Variants in KLF5 observed in about 807,000 individuals in gnomAD.
The protein encoded by KLF5 is Krueppel-like factor 5.
KLF5 carries 9 observed loss-of-function variants against 36.9 expected under a neutral mutation model. That is an observed-to-expected ratio of 0.24 (90% CI 0.15 to 0.43). The LOEUF (loss-of-function observed/expected upper bound fraction) is 0.43, where lower values mean the gene tolerates loss of function less well. KLF5 is among the 20% of genes least tolerant of loss of function. The probability of loss-of-function intolerance (pLI) is 1.00; values close to 1 mark genes in which losing one functional copy is unlikely to be tolerated. For synonymous variants in KLF5, 246 were observed against 241.7 expected (o/e 1.02, Z -0.17); for missense variants, 524 against 599.5 (o/e 0.87, Z 1.31).
chr13:73,062,772 A>AATGT, intron 2 of KLF5, 38 bp downstream of exon 2: 2 of 1,438,760 alleles, frequency 1.4e-6, no homozygotes, highest in Non-Finnish European at 1.9e-6. Context: ...CAATAGATGT[A>AATGT]GTGTGTGTGT....
chr13:73,062,169 C>T lies in KLF5; in HGVS notation c.570C>T (p.Thr190=), dbSNP rs1420346634. 6.2e-7 allele frequency: 1 copy of T among 1,614,116 alleles called. No homozygotes were observed. The highest frequency in any genetic ancestry group is 1.3e-5 in the African/African-American group (1 of 75,040). The change falls in exon 2 of 4, where the codon ACC becomes ACT. Residue 190 remains threonine (T), a synonymous_variant. Transcript: ENST00000377687. ...CGACCCAGGCCCTCCCTGAGTTCACCAGTATATTCAGCTCACACCAGACCG... is the reference window on the plus strand; with the variant it reads ...CGACCCAGGCCCTCCCTGAGTTCACTAGTATATTCAGCTCACACCAGACCG... The part of the protein sequence containing the change: ...PAPTQALPEF[T]SIFSSHQTAA...
At chr13:73,059,980 C>T in intron 1 of KLF5, 1 of 178,388 alleles carries the variant, frequency 5.6e-6, no homozygotes, top group Non-Finnish European at 1.1e-5. Flanking sequence ...GGCATTGGAG[C>T]CCTCCCCCCC....
At chr13:73,059,831 C>A in intron 1 of KLF5, 1 of 958,228 alleles carries the variant, frequency 1.0e-6, no homozygotes, top group Non-Finnish European at 1.2e-6. Flanking sequence ...GCGGGTCGGC[C>A]TGGGAGAGGT....
At position 73,076,446 on chromosome 13, in the gene KLF5, C is replaced by T. The variant is rs2044762324; in HGVS notation, c.*560C>T. ...TGCTATTCAAAATTTTGTAAATATG[C>T]AAATCAGCTTTATAGGTTTATTACA... On this transcript the variant is annotated 3_prime_UTR_variant, in exon 4 of 4. Coordinates refer to ENST00000377687, the MANE Select transcript of KLF5 (RefSeq NM_001730.5). The T allele has an allele frequency of 6.6e-6, 1 of 152,458 alleles. No homozygotes were observed. The highest frequency in any genetic ancestry group is 2.1e-4 in the South Asian group (1 of 4,822). 9.4% of individuals were successfully genotyped at this position (152,458 alleles called of 1,614,324 possible). A position where few individuals can be genotyped will look rare whatever the true frequency, so the allele number is the denominator to read the frequency against.
rs1403435155 is a variant in KLF5, at chr13:73,062,319, C to G, written c.720C>G (p.Pro240=). ...QLLNTPDLDM[P]SSTNQTAAMD... ...TGAATACACCGGATCTAGATATGCCCAGTTCTACAAATCAGACAGCAGCAA... is the reference window on the plus strand; with the variant it reads ...TGAATACACCGGATCTAGATATGCCGAGTTCTACAAATCAGACAGCAGCAA... Residue 240 remains proline (P), a synonymous_variant, in exon 2 of 4, where the codon CCC becomes CCG. Transcript: ENST00000377687. 6.2e-7 allele frequency: 1 copy of G among 1,614,168 alleles called. No homozygotes were observed.
chr13:73,075,829 C>T lies in KLF5; in HGVS notation c.1317C>T (p.Asn439=). The change falls in exon 4 of 4, where the codon AAC becomes AAT. Residue 439 remains asparagine, a synonymous_variant. Coordinates refer to ENST00000377687, the MANE Select transcript of KLF5 (RefSeq NM_001730.5). ...GAKPFQCGVC[N]RSFSRSDHLA... ...AGCCCTTCCAGTGCGGGGTGTGCAA[C>T]CGCAGCTTCTCGCGCTCTGACCACC... The T allele has an allele frequency of 6.2e-7, 1 of 1,611,730 alleles. No homozygotes were observed. The highest frequency in any genetic ancestry group is 8.5e-7 in the Non-Finnish European group (1 of 1,177,996).
intron 3 of KLF5, among the ~76,000 whole-genome samples, chr13:73,070,180 T>C (rs1043495053): frequency 3.3e-5 from 5 of 152,172 alleles, no homozygotes; most frequent in Non-Finnish European, 5.9e-5. Flanking sequence ...CCTAAAAATA[T>C]CTATATAGAA....
chr13:73,060,245 A>G (rs1295588607), intron 1 of KLF5, among the ~76,000 whole-genome samples: 1 of 151,196 alleles, frequency 6.6e-6, no homozygotes, highest in Non-Finnish European at 1.5e-5. Flanking sequence ...GAAAGCTGGC[A>G]GTTGGCTTTT....
intron 3 of KLF5, among the ~76,000 whole-genome samples, chr13:73,066,419 C>T (rs1196856534): frequency 1.3e-5 from 2 of 149,574 alleles, no homozygotes; most frequent in Non-Finnish European, 3.0e-5. Context: ...GGTTTTCTTT[C>T]TGTCCTCCTC....
intron 3 of KLF5, 64 bp from the exon 4 acceptor site, chr13:73,075,644 C>A (rs569327072): frequency 7.6e-6 from 10 of 1,321,062 alleles, no homozygotes; most frequent in African/African-American, 3.0e-5. Flanking sequence ...ATTCCTTCTC[C>A]GGTGTTATCT....
At chr13:73,063,727 G>A (rs1200157334) in intron 2 of KLF5, 97 bp from the exon 3 acceptor site, 2 of 855,322 alleles carry the variant, frequency 2.3e-6, no homozygotes, top group Non-Finnish European at 3.9e-6. Flanking sequence ...TAGCATGAGA[G>A]ATTTCTTCTT....
intron 1 of KLF5, chr13:73,059,893 T>C (rs1390126556): frequency 4.1e-6 from 3 of 730,482 alleles, no homozygotes; most frequent in African/African-American, 3.8e-5. Context: ...TTTCTTACAC[T>C]TGAGGGACGA....
In KLF5 at chr13:73,075,975, A is replaced by AG; in HGVS notation, c.*89_*90insG. On this transcript the variant is annotated 3_prime_UTR_variant, in exon 4 of 4. Transcript: ENST00000377687. The stretch of plus-strand genomic sequence containing the variant: ...CTGTGTAAAAACAACAAAAACAAAC[A>AG]AAAGCAAGAAAACCACAACTAAAAC... 1 of 1,041,742 alleles carries AG rather than the reference A, an allele frequency of 9.6e-7. No individual in the cohort carries two copies. Among genetic ancestry groups the AG allele is most frequent in the South Asian group, 2.5e-5 (1 of 39,760 alleles). The allele number at this position is 1,041,742 out of a possible 1,614,324, so 64.5% of individuals were successfully genotyped here.
At chr13:73,062,859 A>G in intron 2 of KLF5, 125 bp downstream of exon 2, 1 of 768,098 alleles carries the variant, frequency 1.3e-6, no homozygotes, top group South Asian at 2.0e-5. Flanking sequence ...TAAATAGGAA[A>G]GTTGTACTTG....
intron 3 of KLF5, among the ~76,000 whole-genome samples, chr13:73,064,930 T>TA (rs2044668742): frequency 6.6e-6 from 1 of 152,192 alleles, no homozygotes; most frequent in African/African-American, 2.4e-5. Flanking sequence ...GCCCCCCAAA[T>TA]ACTCCAAATA....
Position 73,059,106 on chromosome 13 carries a change from G to A in KLF5, c.-222G>A. On this transcript the variant is annotated 5_prime_UTR_variant, in exon 1 of 4. Coordinates refer to ENST00000377687, the MANE Select transcript of KLF5 (RefSeq NM_001730.5). ...GAGAGCACGGTGGGGCGGGGCGGGAGAAAGTGGCCGCCCGGAGGACGTTGG... is the reference window on the plus strand; with the variant it reads ...GAGAGCACGGTGGGGCGGGGCGGGAAAAAGTGGCCGCCCGGAGGACGTTGG... 1 of 390,804 alleles carries A rather than the reference G, an allele frequency of 2.6e-6. No homozygotes were observed. Among genetic ancestry groups the A allele is most frequent in the Non-Finnish European group, 4.5e-6 (1 of 224,612 alleles). 24.2% of individuals were successfully genotyped at this position (390,804 alleles called of 1,614,324 possible). A position where few individuals can be genotyped will look rare whatever the true frequency, so the allele number is the denominator to read the frequency against.
Position 73,077,164 on chromosome 13 carries a change from T to G in KLF5, c.*1278T>G, listed in dbSNP as rs2044769669. The G allele has an allele frequency of 6.5e-6, 1 of 152,672 alleles. No individual in the cohort carries two copies. The highest frequency in any genetic ancestry group is 1.5e-5 in the Non-Finnish European group (1 of 68,042). 9.5% of individuals were successfully genotyped at this position (152,672 alleles called of 1,614,324 possible). A position where few individuals can be genotyped will look rare whatever the true frequency, so the allele number is the denominator to read the frequency against. On this transcript the variant is annotated 3_prime_UTR_variant, in exon 4 of 4. Transcript: ENST00000377687. ...CTTAATTGAAATGAAAATTTAATTT[T>G]GTTTTTAAAATATTGTTTATCTTTA...
rs1325021597 is a variant in KLF5, at chr13:73,061,996, A to G, written c.397A>G (p.Ser133Gly). 4 of 1,614,086 alleles carry G rather than the reference A, an allele frequency of 2.5e-6. No individual in the cohort carries two copies. Among genetic ancestry groups the G allele is most frequent in the East Asian group, 2.2e-5 (1 of 44,896 alleles). ...FFTDTEGLPYSINMNVFLPDI... is the reference protein window; with the variant it reads ...FFTDTEGLPYGINMNVFLPDI... ...CACTGACACTGAAGGGTTACCTTACAGTATCAACATGAACGTCTTCCTCCC... is the reference window on the plus strand; with the variant it reads ...CACTGACACTGAAGGGTTACCTTACGGTATCAACATGAACGTCTTCCTCCC... Residue 133 changes from serine (S) to glycine (G), a missense_variant, in exon 2 of 4, where the codon AGT becomes GGT. Ser to Gly is a moderately conservative substitution (Grantham distance 56). Coordinates refer to ENST00000377687, the MANE Select transcript of KLF5 (RefSeq NM_001730.5).
intron 3 of KLF5, among the ~76,000 whole-genome samples, chr13:73,066,495 CTT>C (rs2044681285): frequency 1.3e-5 from 2 of 152,170 alleles, no homozygotes; most frequent in Non-Finnish European, 2.9e-5. Flanking sequence ...ATAAAATACT[CTT>C]TAAATGATTG....
Sources: gnomAD v4.1 joint callset for allele counts (sites outside exome capture counted in the v4.1 genomes callset) on GRCh38, gnomAD v4.1.1 for gene constraint, MANE v1.5 for transcripts, NCBI Gene and HGNC (gene_info 2026-07-23, HGNC 2026-07-21) for gene names.